The following KDM2A variants were observed in gnomAD, a reference collection of about 807,000 sequenced individuals.
KDM2A encodes lysine demethylase 2A.
Under a neutral mutation model 137.3 loss-of-function variants are expected in KDM2A, and 3 were observed. The ratio of observed to expected loss-of-function variants is 0.02; its 90% confidence interval spans 0.01 to 0.06. The LOEUF is 0.06. Among genes scored for constraint, KDM2A ranks in the 10% least tolerant of loss-of-function variants. KDM2A has a pLI of 1.00. For missense variants in KDM2A, 738 were observed against 1,510.6 expected, an observed-to-expected ratio of 0.49 and a Z score of 8.48; for synonymous variants, 512 against 541.5, an observed-to-expected ratio of 0.95 and a Z score of 0.76.
rs952286658 is a variant in KDM2A, at chr11:67,250,782, A to C, written c.2752A>C (p.Lys918Gln). Reference protein sequence around the residue: ...RELCECMRVCKTWYKWCCDKR... With the variant: ...RELCECMRVCQTWYKWCCDKR... ...ACTTTGTGAATGTATGCGAGTGTGCAAGACGTGGTATAAATGGTGAGCAGG... is the reference window on the plus strand; with the variant it reads ...ACTTTGTGAATGTATGCGAGTGTGCCAGACGTGGTATAAATGGTGAGCAGG... The change falls in exon 17 of 21, where the codon AAG (lysine) becomes CAG (glutamine). Residue 918 changes from lysine to glutamine, a missense_variant. This residue lies in a region of KDM2A where 166 missense variants were observed against 324.0 expected (regional missense o/e 0.51). Transcript: ENST00000529006. The surrounding 1 kb of genome is among the most constrained non-coding windows in gnomAD (Gnocchi z 7.1). 24 of 1,529,660 alleles carry C rather than the reference A, an allele frequency of 1.6e-5. No individual in the cohort carries two copies. Among genetic ancestry groups the C allele is most frequent in the Non-Finnish European group, 2.1e-5 (24 of 1,138,040 alleles). The allele number at this position is 1,529,660 out of a possible 1,614,324, so 94.8% of individuals were successfully genotyped here. A position where few individuals can be genotyped will look rare whatever the true frequency, so the allele number is the denominator to read the frequency against.
Position 67,250,382 on chromosome 11 carries a change from G to A in KDM2A, c.2352G>A (p.Lys784=). 6.2e-7 allele frequency: 1 copy of A among 1,614,032 alleles called. No individual in the cohort carries two copies. Among genetic ancestry groups the A allele is most frequent in the Non-Finnish European group, 8.5e-7 (1 of 1,179,900 alleles). ...REKENNPSGK[K]ELSEVEKAKI... Reference sequence around the variant, plus strand: ...AGGAGAACAATCCCAGCGGCAAAAAGGAGCTGTCTGAAGTTGAGAAAGCCA... The same window carrying A: ...AGGAGAACAATCCCAGCGGCAAAAAAGAGCTGTCTGAAGTTGAGAAAGCCA... The change falls in exon 17 of 21, where the codon AAG becomes AAA. Residue 784 remains lysine (K), a synonymous_variant. Coordinates refer to ENST00000529006, the MANE Select transcript of KDM2A (RefSeq NM_012308.3). The surrounding 1 kb of genome is among the most constrained non-coding windows in gnomAD (Gnocchi z 7.1).
intron 2 of KDM2A, among the ~76,000 whole-genome samples, chr11:67,136,851 A>G (rs1449878670): frequency 6.6e-6 from 1 of 152,194 alleles, no homozygotes; most frequent in African/African-American, 2.4e-5. Context: ...TCTGTCATGG[A>G]GCTTCTGGTC....
At chr11:67,138,347 C>T (rs1258435380) in intron 2 of KDM2A, among the ~76,000 whole-genome samples, 1 of 152,122 alleles carries the variant, frequency 6.6e-6, no homozygotes, top group Non-Finnish European at 1.5e-5. Flanking sequence ...ATGAAAAGAA[C>T]CTTAGATTGC....
chr11:67,158,444 T>C (rs2136314336), intron 2 of KDM2A, among the ~76,000 whole-genome samples: 1 of 152,324 alleles, frequency 6.6e-6, no homozygotes, highest in Non-Finnish European at 1.5e-5. Flanking sequence ...TCAGCACATT[T>C]TATGGTAAGA....
At position 67,254,185 on chromosome 11, in the gene KDM2A, C is replaced by T. The variant is rs1283846908; in HGVS notation, c.3092-18C>T. On this transcript the variant is annotated intron_variant, in intron 19 of 20. Coordinates refer to ENST00000529006, the MANE Select transcript of KDM2A (RefSeq NM_012308.3). This position sits in a 1 kb window ranked among gnomAD's most constrained non-coding sequence, Gnocchi z 4.7. ...AGAATTGAGAGTTTTGATCTAGGCTCTTCTCTTGCCTGTACAGGTCAGGAC... is the reference window on the plus strand; with the variant it reads ...AGAATTGAGAGTTTTGATCTAGGCTTTTCTCTTGCCTGTACAGGTCAGGAC... The T allele has an allele frequency of 3.1e-6, 5 of 1,604,878 alleles. No individual in the cohort carries two copies. The South Asian group carries it at 3.3e-5, about 11-fold the overall frequency.
chr11:67,160,021 A>G (rs570953870), intron 2 of KDM2A, among the ~76,000 whole-genome samples: 1 of 152,346 alleles, frequency 6.6e-6, no homozygotes, highest in African/African-American at 2.4e-5. Flanking sequence ...CTTTATGTGT[A>G]TATTACCACA....
chr11:67,179,118 G>T (rs1316113068), intron 2 of KDM2A, among the ~76,000 whole-genome samples: 1 of 152,106 alleles, frequency 6.6e-6, no homozygotes, highest in Non-Finnish European at 1.5e-5. Flanking sequence ...GTATTTCATT[G>T]TGGTTTTTGG....
chr11:67,155,461 A>G (rs72928907), intron 2 of KDM2A, among the ~76,000 whole-genome samples: 3,349 of 151,798 alleles, frequency 0.022, 48 homozygotes, highest in Non-Finnish European at 0.036. Flanking sequence ...GGCAGGTACC[A>G]CCTTGGCTAA....
chr11:67,185,883 G>T (rs1857191578), intron 5 of KDM2A, among the ~76,000 whole-genome samples: 2 of 151,668 alleles, frequency 1.3e-5, no homozygotes, highest in Admixed American at 1.3e-4. Flanking sequence ...CTGGCGCCTT[G>T]ATTTTAGACT....
intron 15 of KDM2A, among the ~76,000 whole-genome samples, chr11:67,247,090 T>G (rs1331058516): frequency 9.8e-6 from 1 of 102,392 alleles, no homozygotes; most frequent in Non-Finnish European, 2.0e-5. Flanking sequence ...TTTTTTTTTT[T>G]TTTTTTTTTT....
chr11:67,206,181 A>G (rs916535812), intron 5 of KDM2A, among the ~76,000 whole-genome samples: 4 of 152,226 alleles, frequency 2.6e-5, no homozygotes, highest in African/African-American at 9.6e-5. Context: ...GTGTAATCCC[A>G]GCATTTTGGA....
At position 67,135,555 on chromosome 11, in the gene KDM2A, C is replaced by T. The variant is rs751556166; in HGVS notation, c.42+14197C>T. 3.3e-5 allele frequency among the ~76,000 whole-genome samples: 5 copies of T among 152,168 alleles called. 1 individual carries two copies. In the East Asian group the frequency reaches 5.8e-4, roughly 18 times the overall value. On this transcript the variant is annotated intron_variant, in intron 2 of 20. Transcript: ENST00000529006. ...ATCTCTTTAGATCCTGGATCACAGA[C>T]GTTAGCAACTTTTTTGTTTGTCAAG...
chr11:67,211,529 G>C (rs185647533), intron 6 of KDM2A, among the ~76,000 whole-genome samples: 1 of 137,866 alleles, frequency 7.3e-6, no homozygotes, highest in Non-Finnish European at 1.5e-5. Context: ...TGGGAGAATC[G>C]CTTGAAACCA....
chr11:67,209,914 G>A (rs994618863), intron 6 of KDM2A, among the ~76,000 whole-genome samples: 1 of 152,104 alleles, frequency 6.6e-6, no homozygotes, highest in African/African-American at 2.4e-5. Context: ...TGGAAACTTA[G>A]CCAGGCATGG....
At chr11:67,179,508 G>A (rs565659651) in intron 2 of KDM2A, among the ~76,000 whole-genome samples, 5 of 152,208 alleles carry the variant, frequency 3.3e-5, no homozygotes, top group South Asian at 2.1e-4. Flanking sequence ...TCGAACTCCC[G>A]ACCTCAGGTG....
intron 2 of KDM2A, among the ~76,000 whole-genome samples, chr11:67,162,759 G>C (rs1303246594): frequency 6.6e-6 from 1 of 152,026 alleles, no homozygotes; most frequent in Non-Finnish European, 1.5e-5. Context: ...TTTTGCCCAG[G>C]CTAGAGTGCA....
chr11:67,204,646 C>G (rs1320099053), intron 5 of KDM2A, among the ~76,000 whole-genome samples: 5 of 151,972 alleles, frequency 3.3e-5, no homozygotes, highest in Non-Finnish European at 7.4e-5. Context: ...TGCCTGCCAC[C>G]ACACCTGGCT....
chr11:67,158,934 T>A (rs993869243), intron 2 of KDM2A, among the ~76,000 whole-genome samples: 1 of 152,244 alleles, frequency 6.6e-6, no homozygotes, highest in African/African-American at 2.4e-5. Flanking sequence ...ATATAAAATA[T>A]GTGTTTTGCG....
intron 2 of KDM2A, among the ~76,000 whole-genome samples, chr11:67,175,523 T>C (rs1166477553): frequency 6.6e-6 from 1 of 152,238 alleles, no homozygotes; most frequent in East Asian, 1.9e-4. Flanking sequence ...TTCAAATTCA[T>C]TTTTCTGTTG....
Sources: allele counts gnomAD v4.1 joint callset (sites outside exome capture counted in the v4.1 genomes callset), GRCh38; gene constraint gnomAD v4.1.1; regional missense constraint gnomAD v4.1.1; non-coding constraint Gnocchi (gnomAD v3.1); transcripts MANE v1.5; gene names NCBI Gene and HGNC (gene_info 2026-07-23, HGNC 2026-07-21).